The following CFAP46 variants were observed in gnomAD, a reference collection of about 807,000 sequenced individuals.
The protein encoded by CFAP46 is cilia- and flagella-associated protein 46.
Under a neutral mutation model 325.7 loss-of-function variants are expected in CFAP46, and 245 were observed. That is an observed-to-expected ratio of 0.75 (90% CI 0.68 to 0.84). The LOEUF (loss-of-function observed/expected upper bound fraction) is 0.84, where lower values mean the gene tolerates loss of function less well. CFAP46 is among the 40% of genes least tolerant of loss of function. The pLI, the probability that CFAP46 is intolerant of heterozygous loss-of-function variation, is 0.00. For synonymous variants in CFAP46, 1,523 were observed against 1,495.9 expected (o/e 1.02, Z -0.42); for missense variants, 3,346 against 3,543.0 (o/e 0.94, Z 1.41).
intron 9 of CFAP46, chr10:132,929,395 T>C: frequency 1.5e-6 from 1 of 669,956 alleles, no homozygotes; most frequent in Non-Finnish European, 2.8e-6. Context: ...ATGGGACTGG[T>C]GGAGGATGTT....
At chr10:132,910,919 C>T (rs1479947703) in intron 19 of CFAP46, among the ~76,000 whole-genome samples, 1 of 152,218 alleles carries the variant, frequency 6.6e-6, no homozygotes, top group East Asian at 1.9e-4. Context: ...GTGCACATGC[C>T]CAGTCCAGGC....
chr10:132,880,221 C>G (rs1438964424), intron 28 of CFAP46, among the ~76,000 whole-genome samples: 3 of 152,216 alleles, frequency 2.0e-5, no homozygotes, highest in Non-Finnish European at 1.5e-5. Context: ...TCCGTGCGCA[C>G]CTGCGCTCCC....
intron 19 of CFAP46, among the ~76,000 whole-genome samples, chr10:132,911,343 G>C (rs112647704): frequency 0.025 from 3,778 of 152,338 alleles, 65 homozygotes; most frequent in South Asian, 0.057. Flanking sequence ...AGCGTTGTGA[G>C]TGCCGGGCCG....
intron 44 of CFAP46, among the ~76,000 whole-genome samples, chr10:132,841,287 A>G (rs935358657): frequency 1.3e-5 from 2 of 152,240 alleles, no homozygotes; most frequent in African/African-American, 4.8e-5. Flanking sequence ...GAAAACGGGA[A>G]TAGGCAAAAT....
At chr10:132,916,410 C>T (rs1469940086) in intron 17 of CFAP46, 139 bp downstream of exon 17, 13 of 937,650 alleles carry the variant, frequency 1.4e-5, no homozygotes, top group African/African-American at 8.6e-5. Flanking sequence ...ATTTACGTGA[C>T]GATGGACACG....
chr10:132,917,382 G>A (rs571633221), intron 16 of CFAP46, among the ~76,000 whole-genome samples: 55 of 152,344 alleles, frequency 3.6e-4, no homozygotes, highest in African/African-American at 1.0e-3. Context: ...CTGCGAGCTC[G>A]GACCCGAGGT....
intron 50 of CFAP46, among the ~76,000 whole-genome samples, chr10:132,826,697 C>T (rs1848061706): frequency 6.7e-6 from 1 of 148,484 alleles, no homozygotes; most frequent in African/African-American, 2.5e-5. Flanking sequence ...AGCCACGGAG[C>T]CAGGCAGGAG....
In CFAP46 at chr10:132,884,279, G is replaced by A. The variant is rs1406313165; in HGVS notation, c.3627+824C>T. On this transcript the variant is annotated intron_variant, in intron 27 of 57. Coordinates refer to ENST00000368586, the MANE Select transcript of CFAP46 (RefSeq NM_001200049.3). This position sits in a 1 kb window ranked among gnomAD's most constrained non-coding sequence, Gnocchi z 5.4. Reference sequence around the variant, plus strand: ...CTGTGGCTCCCCACGGTGGTACCCAGGCGTCTGCCTTGATCACCCAGTGCC... The same window carrying A: ...CTGTGGCTCCCCACGGTGGTACCCAAGCGTCTGCCTTGATCACCCAGTGCC... Among the ~76,000 whole-genome samples, 4 of 152,122 alleles carry A rather than the reference G, an allele frequency of 2.6e-5. No individual in the cohort carries two copies. The highest frequency in any genetic ancestry group is 1.3e-4 in the Admixed American group (2 of 15,282).
intron 24 of CFAP46, chr10:132,898,722 C>T: frequency 1.6e-6 from 1 of 625,874 alleles, no homozygotes; most frequent in South Asian, 1.8e-5. Context: ...GCTGAGAGCC[C>T]CTCGGTGCAT....
chr10:132,812,749 C>T, intron 55 of CFAP46, 36 bp downstream of exon 55: 5 of 1,527,606 alleles, frequency 3.3e-6, no homozygotes, highest in Non-Finnish European at 1.8e-6. Flanking sequence ...TGTCCTGTGC[C>T]CGCGGGGGAG....
intron 10 of CFAP46, 49 bp from the exon 11 acceptor site, chr10:132,924,935 C>CG (rs146896789): frequency 0.051 from 69,192 of 1,354,896 alleles, 3,233 homozygotes; most frequent in African/African-American, 0.24. Flanking sequence ...GCTCGAGCTG[C>CG]GGGGCTGGGG....
At chr10:132,917,934 G>A (rs1372740596) in intron 16 of CFAP46, among the ~76,000 whole-genome samples, 1 of 113,604 alleles carries the variant, frequency 8.8e-6, no homozygotes, top group East Asian at 2.4e-4. Context: ...TCTCCACGAC[G>A]CACCTCAGCA....
At chr10:132,899,401 C>G in intron 23 of CFAP46, 134 bp downstream of exon 23, 1 of 1,289,724 alleles carries the variant, frequency 7.8e-7, no homozygotes. Flanking sequence ...CTGAACTGGC[C>G]GCACCGGCCA....
Position 132,877,916 on chromosome 10 carries a change from T to C in CFAP46, c.4177A>G (p.Lys1393Glu), listed in dbSNP as rs921508189. The C allele has an allele frequency of 6.5e-7, 1 of 1,550,370 alleles. No individual in the cohort carries two copies. The highest frequency in any genetic ancestry group is 8.7e-7 in the Non-Finnish European group (1 of 1,146,966). The change falls in exon 30 of 58, where the codon AAG becomes GAG. Residue 1393 changes from lysine (K) to glutamate (E), a missense_variant. Coordinates refer to ENST00000368586, the MANE Select transcript of CFAP46 (RefSeq NM_001200049.3). The surrounding 1 kb of genome is among the most constrained non-coding windows in gnomAD (Gnocchi z 5.7). Reference protein sequence around the residue: ...NERSKEKDKEKGKEEKVKEPK... With the variant: ...NERSKEKDKEEGKEEKVKEPK... ...TCCTTGACTTTCTCCTCCTTTCCCT[T>C]CTCCTTGTCCTTCTCTTTACTCCTC...
At chr10:132,824,219 CTGTGTGTTGTGTGTGCTGTG>C (rs1847977111) in intron 50 of CFAP46, among the ~76,000 whole-genome samples, 1 of 107,474 alleles carries the variant, frequency 9.3e-6, no homozygotes, top group Admixed American at 1.1e-4. Flanking sequence ...GCTGTGTGTG[CTGTGTGTTGTGTGTGCTGTG>C]TGAGTGCTGA....
chr10:132,860,277 A>G, intron 37 of CFAP46, 140 bp downstream of exon 37: 1 of 626,762 alleles, frequency 1.6e-6, no homozygotes, highest in Non-Finnish European at 2.8e-6. Context: ...CTGGAGCTGC[A>G]CGGAAAGCTG....
chr10:132,857,460 G>C, intron 39 of CFAP46, 130 bp downstream of exon 39: 1 of 839,238 alleles, frequency 1.2e-6, no homozygotes, highest in Non-Finnish European at 1.8e-6. Context: ...TCAGATGGGG[G>C]AGTATCTGAT....
rs1298339888 is a variant in CFAP46 at position 132,942,159 on chromosome 10, C to T, written c.50-55G>A. The T allele has an allele frequency of 2.1e-5, 32 of 1,542,066 alleles. No individual in the cohort carries two copies. The Admixed American group carries it at 6.3e-4, about 31-fold the overall frequency. On this transcript the variant is annotated intron_variant, in intron 1 of 57. Transcript: ENST00000368586. ...TGGTCACTGGGCTGGGAGAAGTGAG[C>T]CGGGCAACGCCATCCCGAAGGCCCC...
In CFAP46 at chr10:132,909,177, C is replaced by T. The variant is rs1311766601; in HGVS notation, c.2717G>A (p.Gly906Glu). ...GACAGTGAAGTCCATGAGGCCCAGCCCGTTGCATGAGTACATTTCCAAGGC... is the reference window on the plus strand; with the variant it reads ...GACAGTGAAGTCCATGAGGCCCAGCTCGTTGCATGAGTACATTTCCAAGGC... Reference protein sequence around the residue: ...LVALEMYSCNGLGLMDFTVPS... With the variant: ...LVALEMYSCNELGLMDFTVPS... Residue 906 changes from glycine (G) to glutamate (E), a missense_variant, in exon 21 of 58, where the codon GGG becomes GAG. Coordinates refer to ENST00000368586, the MANE Select transcript of CFAP46 (RefSeq NM_001200049.3). The T allele has an allele frequency of 7.1e-6, 11 of 1,550,024 alleles. No homozygotes were observed. In the East Asian group the frequency reaches 1.7e-4, roughly 24 times the overall value.
Sources: gnomAD v4.1 joint callset for allele counts (sites outside exome capture counted in the v4.1 genomes callset) on GRCh38, gnomAD v4.1.1 for gene constraint, Gnocchi (gnomAD v3.1) non-coding constraint, MANE v1.5 for transcripts, NCBI Gene and HGNC (gene_info 2026-07-23, HGNC 2026-07-21) for gene names.